The following DCHS2 variants were observed in gnomAD, a reference collection of about 807,000 sequenced individuals.
DCHS2 encodes the protein dachsous cadherin-related 2, also known as protocadherin-23.
A neutral mutation model predicts 182.4 loss-of-function variants in DCHS2; 142 were observed. That is an observed-to-expected ratio of 0.78 (90% confidence interval 0.68 to 0.89). The LOEUF is 0.89. DCHS2 is among the 40% of genes least tolerant of loss of function. The pLI, the probability that DCHS2 is intolerant of heterozygous loss-of-function variation, is 0.00. For synonymous variants in DCHS2, 1,740 were observed against 1,663.3 expected, an observed-to-expected ratio of 1.05 and a Z score of -1.12; for missense variants, 4,319 against 4,198.6, an observed-to-expected ratio of 1.03 and a Z score of -0.79.
Position 154,333,274 on chromosome 4 carries a change from C to T in DCHS2, c.2934G>A (p.Ala978=). ...TVMDVNDNHP[A]FLRTSDEIRI... is the part of the protein sequence containing the mutation. ...TAATCTCATCCGAGGTCCTGAGGAA[C>T]GCTGGGTGGTTGTCATTGACATCCA... The change falls in exon 5 of 20, where the codon GCG becomes GCA. Residue 978 remains alanine, a synonymous_variant. Coordinates refer to ENST00000357232, the MANE Select transcript of DCHS2 (RefSeq NM_001358235.2). 2.5e-6 allele frequency: 4 copies of T among 1,614,190 alleles called. No individual in the cohort carries two copies. Among genetic ancestry groups the T allele is most frequent in the Non-Finnish European group, 3.4e-6 (4 of 1,180,026 alleles).
At chr4:154,311,339 C>T (rs948267675) in intron 10 of DCHS2, among the ~76,000 whole-genome samples, 1 of 152,184 alleles carries the variant, frequency 6.6e-6, no homozygotes, top group Non-Finnish European at 1.5e-5. Flanking sequence ...TCAAGCCATC[C>T]TTCTACTTCA....
chr4:154,469,079 C>G (rs62330370), intron 1 of DCHS2, among the ~76,000 whole-genome samples: 32,407 of 151,848 alleles, frequency 0.21, 4,114 homozygotes, highest in Middle Eastern at 0.3. Context: ...CTCGATAAAG[C>G]TGAAAAATAG....
At chr4:154,279,641 CA>C (rs1368023391) in intron 13 of DCHS2, among the ~76,000 whole-genome samples, 1 of 151,624 alleles carries the variant, frequency 6.6e-6, no homozygotes, top group Non-Finnish European at 1.5e-5. Context: ...ACTGATACAT[CA>C]AAAGGAAATC....
intron 1 of DCHS2, among the ~76,000 whole-genome samples, chr4:154,430,292 T>C (rs1044853638): frequency 3.3e-5 from 5 of 152,182 alleles, no homozygotes; most frequent in African/African-American, 1.2e-4. Flanking sequence ...CCTACAGCCA[T>C]GAAAAGTTTT....
In DCHS2 at chr4:154,258,367, CTTTTTTT is replaced by C. The variant is rs771510956; in HGVS notation, c.6789+1171_6789+1177del. Among the ~76,000 whole-genome samples the C allele has an allele frequency of 1.5e-4, 9 of 58,856 alleles. No individual in the cohort carries two copies. In the East Asian group the frequency reaches 4.6e-3, roughly 30 times the overall value. 38.6% of individuals were successfully genotyped at this position (58,856 alleles called of 152,430 possible). Reference sequence around the variant, plus strand: ...AACTGGAATTGCAGTAAAAGAAAGGCTTTTTTTTTTTTTTTTTTTTTTTTTGTGAGAT... The same window carrying C: ...AACTGGAATTGCAGTAAAAGAAAGGCTTTTTTTTTTTTTTTTTTGTGAGAT... On this transcript the variant is annotated intron_variant, in intron 15 of 19. Coordinates refer to ENST00000357232, the MANE Select transcript of DCHS2 (RefSeq NM_001358235.2).
At chr4:154,280,235 A>G (rs539367151) in intron 13 of DCHS2, among the ~76,000 whole-genome samples, 57 of 152,258 alleles carry the variant, frequency 3.7e-4, no homozygotes, top group African/African-American at 1.1e-3. Flanking sequence ...TCAATAATCA[A>G]AAACTCTCAA....
intron 14 of DCHS2, among the ~76,000 whole-genome samples, 168 bp from the exon 15 acceptor site, chr4:154,259,924 G>C (rs1378376751): frequency 6.6e-6 from 1 of 152,162 alleles, no homozygotes; most frequent in Non-Finnish European, 1.5e-5. Context: ...CCGGGTTCAA[G>C]CGATTCTCCT....
In DCHS2 at chr4:154,366,286, A is replaced by T. The variant is rs1171865742; in HGVS notation, c.2400T>A (p.Ser800=). 6.2e-7 allele frequency: 1 copy of T among 1,613,838 alleles called. No individual in the cohort carries two copies. The highest frequency in any genetic ancestry group is 2.2e-5 in the East Asian group (1 of 44,856). Residue 800 remains serine (S), a synonymous_variant, in exon 3 of 20, where the codon TCT becomes TCA. Coordinates refer to ENST00000357232, the MANE Select transcript of DCHS2 (RefSeq NM_001358235.2). ...CATAAGCCACTGTCCCATATATCCC[A>T]GAGTCCTGGTCAGTGGCAAGAACAT... ...IINVLATDQD[S]GIYGTVAYEL...
intron 1 of DCHS2, among the ~76,000 whole-genome samples, chr4:154,414,435 TC>T (rs1188548634): frequency 6.9e-6 from 1 of 145,842 alleles, no homozygotes; most frequent in East Asian, 2.2e-4. Context: ...AGCAGAAAAT[TC>T]CCAGAGAGTA....
chr4:154,357,888 TCTC>T (rs1429894990), intron 3 of DCHS2, among the ~76,000 whole-genome samples: 1 of 152,138 alleles, frequency 6.6e-6, no homozygotes, highest in Non-Finnish European at 1.5e-5. Flanking sequence ...TTAAGAAACT[TCTC>T]CTTTATTCTG....
In DCHS2 at chr4:154,298,229, T is replaced by C; in HGVS notation, c.6085A>G (p.Thr2029Ala). The change falls in exon 13 of 20, where the codon ACT becomes GCT. Residue 2029 changes from threonine (T) to alanine (A), a missense_variant. Thr to Ala is a moderately conservative substitution (Grantham distance 58). Coordinates refer to ENST00000357232, the MANE Select transcript of DCHS2 (RefSeq NM_001358235.2). Reference sequence around the variant, plus strand: ...ACTGGATCATTGTCATTAACATCAGTGACATATACTTTTATAATTACAGTG... The same window carrying C: ...ACTGGATCATTGTCATTAACATCAGCGACATATACTTTTATAATTACAGTG... ...STTVIIKVYV[T>A]DVNDNDPVLE... The C allele has an allele frequency of 1.2e-6, 2 of 1,614,090 alleles. No homozygotes were observed. Among genetic ancestry groups the C allele is most frequent in the Non-Finnish European group, 1.7e-6 (2 of 1,180,014 alleles).
chr4:154,472,620 C>CTT (rs1207263785), intron 1 of DCHS2, among the ~76,000 whole-genome samples: 3 of 152,184 alleles, frequency 2.0e-5, no homozygotes, highest in African/African-American at 7.2e-5. Context: ...AAAACGTCTA[C>CTT]AATTAAGTTC....
intron 3 of DCHS2, among the ~76,000 whole-genome samples, chr4:154,365,582 C>T (rs1267298333): frequency 6.6e-6 from 1 of 151,846 alleles, no homozygotes; most frequent in Admixed American, 6.6e-5. Context: ...GGCCTCGAGC[C>T]ATCCTCCCAC....
chr4:154,410,887 G>T (rs962349947), intron 1 of DCHS2, among the ~76,000 whole-genome samples: 2 of 152,302 alleles, frequency 1.3e-5, no homozygotes, highest in East Asian at 3.9e-4. Flanking sequence ...GAAGTGTCAA[G>T]TATTGACATA....
intron 1 of DCHS2, among the ~76,000 whole-genome samples, chr4:154,390,839 C>A (rs1298466475): frequency 1.3e-5 from 2 of 152,142 alleles, no homozygotes; most frequent in Non-Finnish European, 2.9e-5. Context: ...AACAACAAAG[C>A]AATCCATGAC....
intron 1 of DCHS2, among the ~76,000 whole-genome samples, chr4:154,400,655 A>G (rs537489532): frequency 2.6e-5 from 4 of 152,324 alleles, no homozygotes; most frequent in African/African-American, 9.6e-5. Context: ...ATGAGAATCT[A>G]TATGCTGCTT....
intron 1 of DCHS2, among the ~76,000 whole-genome samples, chr4:154,379,187 A>T (rs1178396719): frequency 6.6e-6 from 1 of 152,228 alleles, no homozygotes; most frequent in Non-Finnish European, 1.5e-5. Flanking sequence ...AAAGGAGCAA[A>T]GGAGCAGCTA....
At chr4:154,339,933 A>G (rs1728986705) in intron 3 of DCHS2, among the ~76,000 whole-genome samples, 2 of 152,226 alleles carry the variant, frequency 1.3e-5, no homozygotes, top group South Asian at 4.1e-4. Flanking sequence ...TGTTAAGGGA[A>G]GTCATCTTTG....
intron 10 of DCHS2, among the ~76,000 whole-genome samples, chr4:154,309,737 G>A (rs1735597731): frequency 6.6e-6 from 1 of 152,126 alleles, no homozygotes; most frequent in Admixed American, 6.5e-5. Context: ...CATGGGAAAT[G>A]GAATGCTAGG....
Sources: allele counts gnomAD v4.1 joint callset (sites outside exome capture counted in the v4.1 genomes callset), GRCh38; gene constraint gnomAD v4.1.1; transcripts MANE v1.5; gene names NCBI Gene and HGNC (gene_info 2026-07-23, HGNC 2026-07-21).